The following SLC2A14 variants were observed in gnomAD, a reference collection of about 807,000 sequenced individuals.
The protein encoded by SLC2A14 is solute carrier family 2 member 14.
SLC2A14 carries 13 observed loss-of-function variants against 43.0 expected under a neutral mutation model. The ratio of observed to expected loss-of-function variants is 0.30; its 90% CI spans 0.20 to 0.48. SLC2A14 has a LOEUF of 0.48. Ranked by LOEUF, SLC2A14 falls within the 20% of genes least tolerant of loss-of-function variation. The pLI is 0.99. For synonymous variants in SLC2A14, 190 were observed against 233.8 expected (o/e 0.81, Z 1.71); for missense variants, 428 against 620.4 (o/e 0.69, Z 3.29).
intron 2 of SLC2A14, among the ~76,000 whole-genome samples, chr12:7,859,814 C>G (rs1353342533): frequency 6.6e-6 from 1 of 152,096 alleles, no homozygotes; most frequent in South Asian, 2.1e-4. Flanking sequence ...GAGTTACAAA[C>G]GAAATGCTGA....
chr12:7,820,227 G>A (rs1227781310), intron 8 of SLC2A14, among the ~76,000 whole-genome samples: 3 of 136,158 alleles, frequency 2.2e-5, no homozygotes, highest in Admixed American at 7.5e-5. Flanking sequence ...TCCAGACCTC[G>A]CCCTGTGAAT....
chr12:7,889,238 T>TTTC (rs1945737526), intron 1 of SLC2A14, among the ~76,000 whole-genome samples: 1 of 149,730 alleles, frequency 6.7e-6, no homozygotes, highest in African/African-American at 2.5e-5. Flanking sequence ...TTGCCCTTTT[T>TTTC]TTTTTTTTTT....
intron 7 of SLC2A14, 75 bp from the exon 8 acceptor site, chr12:7,821,400 A>C: frequency 7.3e-7 from 1 of 1,361,268 alleles, no homozygotes; most frequent in South Asian, 1.2e-5. Context: ...AAAATACTTA[A>C]GGCTGAGCGT....
chr12:7,828,978 T>C, intron 5 of SLC2A14, 112 bp from the exon 6 acceptor site: 1 of 1,330,072 alleles, frequency 7.5e-7, no homozygotes, highest in East Asian at 2.4e-5. Flanking sequence ...ATTCCAGCAC[T>C]TTGGAAGGCT....
intron 1 of SLC2A14, among the ~76,000 whole-genome samples, chr12:7,880,308 A>T (rs1022045424): frequency 6.6e-6 from 1 of 151,478 alleles, no homozygotes; most frequent in African/African-American, 2.4e-5. Flanking sequence ...CTCAAAAATA[A>T]ATAAATAAAT....
chr12:7,826,817 TTTTC>T lies in SLC2A14; in HGVS notation c.864+674_864+677del, dbSNP rs200427727. Among the ~76,000 whole-genome samples the T allele has an allele frequency of 5.1e-3, 655 of 127,690 alleles. 16 individuals carry two copies. Among genetic ancestry groups the T allele is most frequent in the African/African-American group, 0.018 (616 of 33,564 alleles). The allele number at this position is 127,690 out of a possible 152,430, so 83.8% of individuals were successfully genotyped here. A position where few individuals can be genotyped will look rare whatever the true frequency, so the allele number is the denominator to read the frequency against. On this transcript the variant is annotated intron_variant, in intron 7 of 10. Transcript: ENST00000431042. ...CCAGTGTACTTCCAGGCTCGCTCTTTTTTCTTTCTTTCTTTCTTTCCTTCCTTCC... is the reference window on the plus strand; with the variant it reads ...CCAGTGTACTTCCAGGCTCGCTCTTTTTTCTTTCTTTCTTTCCTTCCTTCC...
chr12:7,863,458 C>T (rs1292288951), intron 2 of SLC2A14: 1 of 452,472 alleles, frequency 2.2e-6, no homozygotes. Context: ...AACTCCATCT[C>T]TATTAAAAAT....
intron 10 of SLC2A14, among the ~76,000 whole-genome samples, chr12:7,815,183 G>A (rs1478650532): frequency 1.3e-5 from 2 of 151,810 alleles, no homozygotes; most frequent in East Asian, 3.9e-4. Context: ...GGCTGAGGCA[G>A]GTGGATCCCT....
chr12:7,880,514 T>C (rs1002006896), intron 1 of SLC2A14, among the ~76,000 whole-genome samples: 5 of 151,286 alleles, frequency 3.3e-5, no homozygotes, highest in African/African-American at 7.3e-5. Context: ...TTAATCAATA[T>C]TGATAACAGA....
At chr12:7,835,959 G>A (rs1307685139) in intron 2 of SLC2A14, among the ~76,000 whole-genome samples, 1 of 152,144 alleles carries the variant, frequency 6.6e-6, no homozygotes, top group East Asian at 1.9e-4. Context: ...TGTCTAAACT[G>A]GGTTTAAATC....
In SLC2A14 at chr12:7,832,703, C is replaced by A. The variant is rs773217342; in HGVS notation, c.111+19G>T. 2.0e-5 allele frequency: 32 copies of A among 1,611,060 alleles called. No homozygotes were observed. In the East Asian group the frequency reaches 2.5e-4, roughly 12 times the overall value. ...AATTTCCCTATTCCAGATTCTAATT[C>A]TTGTGGCCTGGCACTCACCGTCTCA... is the stretch of plus-strand genomic sequence containing the variant. On this transcript the variant is annotated intron_variant, in intron 3 of 10. Transcript: ENST00000431042.
rs747041237 is a variant in SLC2A14 at position 7,815,892 on chromosome 12, G to GT, written c.1276-1359dup. Among the ~76,000 whole-genome samples, 857 of 118,072 alleles carry GT rather than the reference G, an allele frequency of 7.3e-3. 11 individuals carry two copies. The highest frequency in any genetic ancestry group is 0.025 in the African/African-American group (820 of 33,048). The allele number at this position is 118,072 out of a possible 152,430, so 77.5% of individuals were successfully genotyped here. ...TGCCTGGCCAGTTTTGTTTTTTTTT[G>GT]TTTTTTTGTTTTTGTTTTTGTTTTT... On this transcript the variant is annotated intron_variant, in intron 10 of 10. Transcript: ENST00000431042.
chr12:7,875,036 TAA>T (rs1159128693), upstream of SLC2A14, among the ~76,000 whole-genome samples: 2 of 113,116 alleles, frequency 1.8e-5, no homozygotes, highest in African/African-American at 7.2e-5. Flanking sequence ...AATACATATA[TAA>T]ATATATATTT....
At chr12:7,883,291 G>A (rs1945622947) in intron 1 of SLC2A14, among the ~76,000 whole-genome samples, 1 of 117,594 alleles carries the variant, frequency 8.5e-6, no homozygotes, top group African/African-American at 3.2e-5. Flanking sequence ...TTTTTGAGAT[G>A]GAGTCTTGCT....
intron 1 of SLC2A14, among the ~76,000 whole-genome samples, chr12:7,885,195 G>C (rs1235390076): frequency 6.6e-6 from 1 of 152,154 alleles, no homozygotes; most frequent in Non-Finnish European, 1.5e-5. Flanking sequence ...AAAGAGCCAG[G>C]TGTGGTGGCT....
At chr12:7,840,146 CAG>C (rs1386341997) in intron 2 of SLC2A14, among the ~76,000 whole-genome samples, 2 of 127,220 alleles carry the variant, frequency 1.6e-5, no homozygotes, top group African/African-American at 2.9e-5. Context: ...GGGGGGACTT[CAG>C]AGAGTTTGCT....
intron 2 of SLC2A14, among the ~76,000 whole-genome samples, chr12:7,858,758 C>T (rs1277353765): frequency 6.6e-6 from 1 of 152,142 alleles, no homozygotes; most frequent in Non-Finnish European, 1.5e-5. Flanking sequence ...CTCAGCCTCC[C>T]AAAGTGCTGG....
intron 2 of SLC2A14, among the ~76,000 whole-genome samples, chr12:7,853,777 A>G (rs1264217180): frequency 1.3e-5 from 2 of 152,172 alleles, no homozygotes; most frequent in African/African-American, 4.8e-5. Flanking sequence ...ATGTCTAGAA[A>G]CAGGTCATGA....
intron 1 of SLC2A14, among the ~76,000 whole-genome samples, chr12:7,889,899 C>T (rs891050781): frequency 2.0e-5 from 3 of 151,118 alleles, no homozygotes; most frequent in African/African-American, 7.3e-5. Context: ...CATTCCTCCC[C>T]TTTTCGGAGC....
Sources: allele counts gnomAD v4.1 joint callset (sites outside exome capture counted in the v4.1 genomes callset), GRCh38; gene constraint gnomAD v4.1.1; transcripts MANE v1.5; gene names NCBI Gene and HGNC (gene_info 2026-07-23, HGNC 2026-07-21).